The following SLIT2 variants were observed in gnomAD, a reference collection of about 807,000 sequenced individuals.
The protein encoded by SLIT2 is slit homolog 2 protein.
A neutral mutation model predicts 185.7 loss-of-function variants in SLIT2; 41 were observed. That is an observed-to-expected ratio of 0.22 (90% confidence interval 0.17 to 0.29). The LOEUF (loss-of-function observed/expected upper bound fraction) is 0.29. SLIT2 is among the 10% of genes least tolerant of loss of function. The pLI, the probability that SLIT2 is intolerant of heterozygous loss-of-function variation, is 1.00. For missense variants in SLIT2, 1,571 were observed against 1,909.0 expected (o/e 0.82, Z 3.30); for synonymous variants, 693 against 680.2 (o/e 1.02, Z -0.29).
intron 4 of SLIT2, among the ~76,000 whole-genome samples, chr4:20,442,831 C>T (rs1301930992): frequency 6.6e-6 from 1 of 152,120 alleles, no homozygotes; most frequent in East Asian, 1.9e-4. Flanking sequence ...TAAAGTTTCA[C>T]ATCTACTTAA....
intron 9 of SLIT2, among the ~76,000 whole-genome samples, chr4:20,508,885 C>G (rs184135527): frequency 1.3e-5 from 2 of 152,062 alleles, no homozygotes; most frequent in Non-Finnish European, 2.9e-5. Flanking sequence ...AGAATGAACC[C>G]TGATACTGTT....
chr4:20,477,444 C>T (rs909563806), intron 5 of SLIT2, among the ~76,000 whole-genome samples: 1 of 152,140 alleles, frequency 6.6e-6, no homozygotes, highest in African/African-American at 2.4e-5. Flanking sequence ...GGTCATCCAC[C>T]TGCCTCGGCC....
intron 33 of SLIT2, among the ~76,000 whole-genome samples, chr4:20,609,091 T>A (rs915151154): frequency 2.0e-5 from 3 of 152,202 alleles, no homozygotes; most frequent in Admixed American, 1.3e-4. Flanking sequence ...CTTTTTTGCC[T>A]GCTGTAACAC....
chr4:20,561,178 G>A (rs1724659011), intron 26 of SLIT2, among the ~76,000 whole-genome samples: 1 of 151,734 alleles, frequency 6.6e-6, no homozygotes, highest in African/African-American at 2.4e-5. Context: ...GAAAGGCCAG[G>A]ATACGATGCT....
intron 4 of SLIT2, among the ~76,000 whole-genome samples, chr4:20,325,339 C>G (rs978366073): frequency 7.0e-6 from 1 of 142,298 alleles, no homozygotes; most frequent in African/African-American, 2.6e-5. Flanking sequence ...CTCTGAGCCA[C>G]TCACCTGTGG....
At chr4:20,571,998 A>T (rs1181636025) in intron 29 of SLIT2, among the ~76,000 whole-genome samples, 1 of 152,214 alleles carries the variant, frequency 6.6e-6, no homozygotes, top group South Asian at 2.1e-4. Flanking sequence ...ACAAAACGTG[A>T]CTAGAAATAT....
chr4:20,302,301 T>C (rs1717128009), intron 4 of SLIT2, among the ~76,000 whole-genome samples: 1 of 152,222 alleles, frequency 6.6e-6, no homozygotes, highest in African/African-American at 2.4e-5. Flanking sequence ...GATTTCAGTC[T>C]TTCTCTAGTG....
At chr4:20,472,484 C>CTATATATATAGATATATCTATATAGATA (rs1171537168) in intron 5 of SLIT2, among the ~76,000 whole-genome samples, 181 of 14,704 alleles carry the variant, frequency 0.012, 42 homozygotes, top group African/African-American at 0.03. Context: ...AGATATATAT[C>CTATATATATAGATATATCTATATAGATA]TATATATAGA....
chr4:20,543,454 C>T (rs1245000113), intron 21 of SLIT2, among the ~76,000 whole-genome samples: 1 of 152,148 alleles, frequency 6.6e-6, no homozygotes, highest in African/African-American at 2.4e-5. Flanking sequence ...TCTGGATATG[C>T]TTGTTCTGAA....
At chr4:20,459,582 C>T (rs1319061420) in intron 4 of SLIT2, among the ~76,000 whole-genome samples, 1 of 152,006 alleles carries the variant, frequency 6.6e-6, no homozygotes, top group Non-Finnish European at 1.5e-5. Context: ...GTTCAGTTCC[C>T]ACCATGATAC....
chr4:20,412,952 TC>T (rs774478221), intron 4 of SLIT2, among the ~76,000 whole-genome samples: 15 of 152,102 alleles, frequency 9.9e-5, no homozygotes, highest in Non-Finnish European at 1.9e-4. Flanking sequence ...CAATTCTGGA[TC>T]TTTTGAATTT....
At chr4:20,481,627 G>A (rs59007326) in intron 6 of SLIT2, among the ~76,000 whole-genome samples, 2,043 of 151,824 alleles carry the variant, frequency 0.013, 38 homozygotes, top group African/African-American at 0.047. Flanking sequence ...TAAATGTTAG[G>A]GTGTTTTTAG....
intron 4 of SLIT2, among the ~76,000 whole-genome samples, chr4:20,433,211 T>C (rs1054466858): frequency 2.6e-5 from 4 of 152,242 alleles, no homozygotes; most frequent in Non-Finnish European, 4.4e-5. Context: ...ATGGGCACTG[T>C]GTTGACTTAA....
At chr4:20,440,499 A>C (rs1294050225) in intron 4 of SLIT2, among the ~76,000 whole-genome samples, 2 of 152,182 alleles carry the variant, frequency 1.3e-5, no homozygotes, top group Non-Finnish European at 2.9e-5. Context: ...AGCACAGTAT[A>C]TTCTGAACTT....
intron 4 of SLIT2, among the ~76,000 whole-genome samples, chr4:20,286,043 G>A (rs755089302): frequency 1.3e-5 from 2 of 152,136 alleles, no homozygotes; most frequent in Non-Finnish European, 2.9e-5. Context: ...ACCAAATTAC[G>A]GATGAGAAAA....
chr4:20,566,208 A>G (rs574048485), intron 26 of SLIT2, among the ~76,000 whole-genome samples: 4 of 152,174 alleles, frequency 2.6e-5, no homozygotes, highest in South Asian at 2.1e-4. Context: ...TTGTGATAAA[A>G]TGTTCAATTA....
At chr4:20,265,722 A>G (rs1234055659) in intron 3 of SLIT2, among the ~76,000 whole-genome samples, 1 of 151,888 alleles carries the variant, frequency 6.6e-6, no homozygotes, top group Non-Finnish European at 1.5e-5. Flanking sequence ...AGCTGAACGT[A>G]GAGCTAGCTT....
At chr4:20,511,247 A>T in intron 11 of SLIT2, 110 bp downstream of exon 11, 1 of 599,430 alleles carries the variant, frequency 1.7e-6, no homozygotes, top group South Asian at 2.1e-5. Context: ...ATGAATAATG[A>T]ATTATTAATA....
intron 29 of SLIT2, among the ~76,000 whole-genome samples, chr4:20,570,176 G>A (rs771089391): frequency 1.3e-5 from 2 of 151,942 alleles, no homozygotes; most frequent in Non-Finnish European, 2.9e-5. Flanking sequence ...AGCACCCAAT[G>A]TCATGTAAAG....
Sources: allele counts gnomAD v4.1 joint callset (sites outside exome capture counted in the v4.1 genomes callset), GRCh38; gene constraint gnomAD v4.1.1; transcripts MANE v1.5; gene names NCBI Gene and HGNC (gene_info 2026-07-23, HGNC 2026-07-21).